The following UGT1A9 variants were observed in gnomAD, a reference collection of about 807,000 sequenced individuals.
UGT1A9 encodes the protein UDP-glucuronosyltransferase 1A9.
Under a neutral mutation model 45.0 loss-of-function variants are expected in UGT1A9, and 35 were observed. The observed-to-expected ratio is 0.78, with a 90% CI of 0.59 to 1.03. The LOEUF is 1.03. UGT1A9 is among the 50% of genes least tolerant of loss of function. The pLI is 0.00. For synonymous variants in UGT1A9, 278 were observed against 250.6 expected (o/e 1.11, Z -1.03); for missense variants, 687 against 666.6 (o/e 1.03, Z -0.34).
intron 1 of UGT1A9, among the ~76,000 whole-genome samples, chr2:233,757,413 A>T (rs1189718931): frequency 6.6e-6 from 1 of 151,560 alleles, no homozygotes; most frequent in Non-Finnish European, 1.5e-5. Context: ...AGGGTCTAGA[A>T]CGAAAAGAGA....
intron 1 of UGT1A9, chr2:233,761,110 G>A: frequency 1.9e-6 from 3 of 1,614,198 alleles, no homozygotes; most frequent in African/African-American, 1.3e-5. Context: ...TATGGTTTTT[G>A]TTGGTGGAAT....
At chr2:233,767,218 C>T (rs1699339085) in intron 2 of UGT1A9, 53 bp downstream of exon 2, 14 of 1,611,886 alleles carry the variant, frequency 8.7e-6, no homozygotes, top group East Asian at 2.2e-5. Context: ...GAGCGCTAAT[C>T]CCAGACTTCC....
At chr2:233,685,147 A>G (rs2074725363) in intron 1 of UGT1A9, among the ~76,000 whole-genome samples, 1 of 152,174 alleles carries the variant, frequency 6.6e-6, no homozygotes, top group Non-Finnish European at 1.5e-5. Context: ...ATGTAATTAA[A>G]TACTTTAACA....
At chr2:233,682,786 G>C in intron 1 of UGT1A9, 1 of 1,612,112 alleles carries the variant, frequency 6.2e-7, no homozygotes, top group Non-Finnish European at 8.5e-7. Context: ...GAAAGCCAGT[G>C]CCTATGGTAA....
chr2:233,713,083 T>C, intron 1 of UGT1A9: 1 of 1,614,162 alleles, frequency 6.2e-7, no homozygotes, highest in Non-Finnish European at 8.5e-7. Context: ...AGTGGGAAGG[T>C]GCTGGTGGTG....
At chr2:233,710,719 TA>T (rs2076144799) in intron 1 of UGT1A9, among the ~76,000 whole-genome samples, 1 of 152,218 alleles carries the variant, frequency 6.6e-6, no homozygotes, top group South Asian at 2.1e-4. Context: ...TTTCATTTTT[TA>T]AAAAACAACG....
intron 1 of UGT1A9, chr2:233,730,112 T>C (rs933459456): frequency 6.4e-7 from 1 of 1,565,128 alleles, no homozygotes; most frequent in Admixed American, 1.8e-5. Context: ...TTTCTGCTTC[T>C]CCTTGTCATA....
At chr2:233,747,652 A>G in intron 1 of UGT1A9, 1 of 1,589,470 alleles carries the variant, frequency 6.3e-7, no homozygotes, top group East Asian at 2.2e-5. Flanking sequence ...ACTTCCTTCG[A>G]TGTGGTTTTA....
intron 1 of UGT1A9, chr2:233,740,861 T>A (rs1691490325): frequency 6.6e-6 from 1 of 151,862 alleles, no homozygotes; most frequent in Admixed American, 6.5e-5. Flanking sequence ...TTCTAAAAAT[T>A]CTTTAAATAA....
intron 1 of UGT1A9, chr2:233,729,725 C>T (rs780989099): frequency 6.2e-7 from 1 of 1,613,968 alleles, no homozygotes; most frequent in South Asian, 1.1e-5. Flanking sequence ...TTACTAACAA[C>T]CAATTCAGAC....
At chr2:233,681,170 G>A (rs2074512235) in intron 1 of UGT1A9, among the ~76,000 whole-genome samples, 2 of 151,798 alleles carry the variant, frequency 1.3e-5, no homozygotes, top group Non-Finnish European at 2.9e-5. Flanking sequence ...TCAACGCTAA[G>A]ACCCTTGCTC....
Position 233,772,725 on chromosome 2 carries a change from A to G in UGT1A9, c.*166A>G. ...AAATTCTCTTAAATAAAAATAATAG[A>G]CTCGCTAGTCAGTAAAGATATTTGA... On this transcript the variant is annotated 3_prime_UTR_variant, in exon 5 of 5. Coordinates refer to ENST00000354728, the MANE Select transcript of UGT1A9 (RefSeq NM_021027.3). The G allele has an allele frequency of 6.9e-7, 1 of 1,452,344 alleles. No homozygotes were observed. Among genetic ancestry groups the G allele is most frequent in the Non-Finnish European group, 9.0e-7 (1 of 1,105,170 alleles). The allele number at this position is 1,452,344 out of a possible 1,614,324, so 90.0% of individuals were successfully genotyped here.
In UGT1A9 at chr2:233,671,961, C is replaced by T; in HGVS notation, c.27C>T (p.Pro9=). The change falls in exon 1 of 5, where the codon CCC becomes CCT. Residue 9 remains proline (P), a synonymous_variant. Transcript: ENST00000354728. The part of the protein sequence containing the change: MACTGWTS[P]LPLCVCLLLT... Reference sequence around the variant, plus strand: ...TGGCTTGCACAGGGTGGACCAGCCCCCTTCCTCTATGTGTGTGTCTGCTGC... The same window carrying T: ...TGGCTTGCACAGGGTGGACCAGCCCTCTTCCTCTATGTGTGTGTCTGCTGC... 6 of 1,613,630 alleles carry T rather than the reference C, an allele frequency of 3.7e-6. No homozygotes were observed. Among genetic ancestry groups the T allele is most frequent in the Non-Finnish European group, 4.2e-6 (5 of 1,179,744 alleles).
At chr2:233,689,462 A>T (rs2074944838) in intron 1 of UGT1A9, among the ~76,000 whole-genome samples, 1 of 152,236 alleles carries the variant, frequency 6.6e-6, no homozygotes, top group Admixed American at 6.5e-5. Flanking sequence ...CATTTTAGGA[A>T]AACAGAAGTT....
At chr2:233,747,557 A>C (rs1485247055) in intron 1 of UGT1A9, 7 of 1,596,092 alleles carry the variant, frequency 4.4e-6, no homozygotes, top group Non-Finnish European at 6.0e-6. Flanking sequence ...AAAGTATGGC[A>C]ATTTTGAAAA....
chr2:233,755,959 G>C (rs2125939484), intron 1 of UGT1A9: 1 of 152,196 alleles, frequency 6.6e-6, no homozygotes, highest in East Asian at 1.9e-4. Flanking sequence ...TTTAGTACTT[G>C]GCTCTATAGA....
intron 1 of UGT1A9, chr2:233,717,684 G>A: frequency 2.3e-6 from 1 of 439,992 alleles, no homozygotes; most frequent in South Asian, 1.6e-5. Flanking sequence ...GCACATGTAG[G>A]AGTGACTTTC....
intron 1 of UGT1A9, chr2:233,747,733 G>C (rs1192410134): frequency 9.3e-6 from 15 of 1,613,078 alleles, no homozygotes; most frequent in Middle Eastern, 3.3e-4. Flanking sequence ...TTTTTTTTGA[G>C]GAACATTCCA....
chr2:233,684,275 A>G (rs45566031), intron 1 of UGT1A9, among the ~76,000 whole-genome samples: 1,557 of 152,330 alleles, frequency 0.01, 38 homozygotes, highest in African/African-American at 0.035. Flanking sequence ...TTCAAATGAA[A>G]CATGACTTTC....
Sources: allele counts gnomAD v4.1 joint callset (sites outside exome capture counted in the v4.1 genomes callset), GRCh38; gene constraint gnomAD v4.1.1; transcripts MANE v1.5; gene names NCBI Gene and HGNC (gene_info 2026-07-23, HGNC 2026-07-21).